LRRTM3: variants seen among roughly 807,000 people sequenced by gnomAD.
LRRTM3 encodes the protein leucine-rich repeat transmembrane neuronal protein 3.
In LRRTM3, 24 loss-of-function variants were observed where a neutral mutation model predicts 44.7. That is an observed-to-expected ratio of 0.54 (90% CI 0.39 to 0.76). LRRTM3 has a LOEUF of 0.76. LRRTM3 is among the 30% of genes least tolerant of loss of function. The probability of loss-of-function intolerance (pLI) is 0.00; values close to 1 mark genes in which losing one functional copy is unlikely to be tolerated. For synonymous variants in LRRTM3, 277 were observed against 278.7 expected, an observed-to-expected ratio of 0.99 and a Z score of 0.06; for missense variants, 587 against 702.2, an observed-to-expected ratio of 0.84 and a Z score of 1.85.
chr10:66,956,759 T>C (rs756711923), intron 2 of LRRTM3, among the ~76,000 whole-genome samples: 11 of 152,242 alleles, frequency 7.2e-5, no homozygotes, highest in Non-Finnish European at 1.3e-4. Context: ...TGATTTCAAC[T>C]GAATTTGGCA....
intron 2 of LRRTM3, among the ~76,000 whole-genome samples, chr10:67,037,635 G>C (rs979743926): frequency 6.6e-6 from 1 of 152,120 alleles, no homozygotes. Flanking sequence ...CCTGAACTAA[G>C]ACACTAACAG....
intron 2 of LRRTM3, among the ~76,000 whole-genome samples, chr10:67,013,934 C>T (rs1260221337): frequency 6.6e-6 from 1 of 152,056 alleles, no homozygotes; most frequent in Admixed American, 6.6e-5. Flanking sequence ...ACCCCAGAGC[C>T]CCAAGGTCTA....
chr10:67,076,234 C>G (rs1856741063), intron 2 of LRRTM3, among the ~76,000 whole-genome samples: 1 of 152,196 alleles, frequency 6.6e-6, no homozygotes. Context: ...ATCCTTATCT[C>G]TAACTATTTT....
In LRRTM3 at chr10:67,100,881, G is replaced by A. The variant is rs1459074951; in HGVS notation, c.*3085G>A. ...TATTCTCAAAATTTACAGGCTGTTA[G>A]TCTTTCCACTGTACTAAAAGATTTC... On this transcript the variant is annotated 3_prime_UTR_variant, in exon 3 of 3. Transcript: ENST00000361320. Among the ~76,000 whole-genome samples, 1 of 151,676 alleles carries A rather than the reference G, an allele frequency of 6.6e-6. No homozygotes were observed. Among genetic ancestry groups the A allele is most frequent in the South Asian group, 2.1e-4 (1 of 4,816 alleles).
chr10:67,038,063 A>G (rs78033666), intron 2 of LRRTM3, among the ~76,000 whole-genome samples: 1,843 of 152,262 alleles, frequency 0.012, 48 homozygotes, highest in African/African-American at 0.042. Context: ...GTCCACCTGT[A>G]GTGGCAAACT....
At chr10:67,038,859 TTA>T (rs146949279) in intron 2 of LRRTM3, among the ~76,000 whole-genome samples, 2,291 of 152,196 alleles carry the variant, frequency 0.015, 63 homozygotes, top group African/African-American at 0.052. Flanking sequence ...TCTTTATATA[TTA>T]TGTTATAATA....
intron 2 of LRRTM3, among the ~76,000 whole-genome samples, chr10:67,037,336 T>C (rs577909059): frequency 6.6e-6 from 1 of 151,064 alleles, no homozygotes; most frequent in Non-Finnish European, 1.5e-5. Context: ...GCAGTTACTA[T>C]GTGGCAACAC....
At chr10:66,977,934 C>T (rs536868837) in intron 2 of LRRTM3, among the ~76,000 whole-genome samples, 1 of 152,098 alleles carries the variant, frequency 6.6e-6, no homozygotes, top group African/African-American at 2.4e-5. Flanking sequence ...GGAACCAAAA[C>T]ATATTTTAGG....
At chr10:67,056,630 C>T (rs906123102) in intron 2 of LRRTM3, among the ~76,000 whole-genome samples, 4 of 152,156 alleles carry the variant, frequency 2.6e-5, no homozygotes, top group African/African-American at 9.6e-5. Context: ...AAGGGCATTC[C>T]AAATTAAGTG....
chr10:67,075,565 A>G (rs1422534208), intron 2 of LRRTM3, among the ~76,000 whole-genome samples: 2 of 152,164 alleles, frequency 1.3e-5, no homozygotes, highest in Non-Finnish European at 2.9e-5. Flanking sequence ...AATGTTTAAC[A>G]TTTTCTCAAA....
At chr10:66,993,025 T>C (rs1412405870) in intron 2 of LRRTM3, among the ~76,000 whole-genome samples, 1 of 152,166 alleles carries the variant, frequency 6.6e-6, no homozygotes, top group East Asian at 1.9e-4. Context: ...TAAAAAATCA[T>C]TATTTTCCAT....
intron 2 of LRRTM3, among the ~76,000 whole-genome samples, chr10:66,970,603 T>C (rs1451613059): frequency 6.6e-6 from 1 of 152,002 alleles, no homozygotes; most frequent in East Asian, 1.9e-4. Context: ...AAGAGGAAGG[T>C]ATAGAAATTT....
intron 2 of LRRTM3, among the ~76,000 whole-genome samples, chr10:66,958,459 GCT>G (rs1564794805): frequency 5.5e-5 from 1 of 18,134 alleles, no homozygotes; most frequent in African/African-American, 9.8e-5. Flanking sequence ...AAAATAAAAA[GCT>G]TTTTTTTTTA....
rs1305514183 is a variant in LRRTM3, at chr10:67,097,933, A to G, written c.*137A>G. 1.4e-6 allele frequency: 1 copy of G among 707,140 alleles called. No homozygotes were observed. Among genetic ancestry groups the G allele is most frequent in the Non-Finnish European group, 2.3e-6 (1 of 425,818 alleles). 43.8% of individuals were successfully genotyped at this position (707,140 alleles called of 1,614,324 possible). A position where few individuals can be genotyped will look rare whatever the true frequency, so the allele number is the denominator to read the frequency against. On this transcript the variant is annotated 3_prime_UTR_variant, in exon 3 of 3. Coordinates refer to ENST00000361320, the MANE Select transcript of LRRTM3 (RefSeq NM_178011.5). ...TGTTCAAATAAACAAAAAATCCAAG[A>G]TTGATTCATGAAATAAAGAAGACAT...
At chr10:66,969,812 C>A (rs952525675) in intron 2 of LRRTM3, among the ~76,000 whole-genome samples, 1 of 152,114 alleles carries the variant, frequency 6.6e-6, no homozygotes, top group Non-Finnish European at 1.5e-5. Context: ...CTGCCTCTCA[C>A]AACATTCATA....
intron 2 of LRRTM3, among the ~76,000 whole-genome samples, chr10:66,995,986 C>T (rs1027546143): frequency 3.3e-5 from 5 of 152,066 alleles, no homozygotes; most frequent in African/African-American, 1.2e-4. Flanking sequence ...TTCACATTAC[C>T]TTACTATTAT....
intron 2 of LRRTM3, among the ~76,000 whole-genome samples, chr10:66,996,465 G>A (rs367871147): frequency 6.6e-6 from 1 of 151,996 alleles, no homozygotes; most frequent in East Asian, 2.0e-4. Context: ...GGGCAATATG[G>A]TGAAACCCTG....
At chr10:66,948,038 G>GTAT (rs1240752685) in intron 2 of LRRTM3, among the ~76,000 whole-genome samples, 1 of 152,200 alleles carries the variant, frequency 6.6e-6, no homozygotes, top group Non-Finnish European at 1.5e-5. Context: ...TAACACAATG[G>GTAT]TATTTGTGTA....
Position 66,928,107 on chromosome 10 carries a change from G to A in LRRTM3, c.1191G>A (p.Pro397=), listed in dbSNP as rs1339003025. ...PKHESKPPLP[P]TVGATEPGPE... is the part of the protein sequence containing the mutation. ...ATGAGAGCAAACCCCCTTTGCCCCC[G>A]ACGGTGGGAGCCACAGAGCCCGGCC... Residue 397 remains proline, a synonymous_variant, in exon 2 of 3, where the codon CCG becomes CCA. Coordinates refer to ENST00000361320, the MANE Select transcript of LRRTM3 (RefSeq NM_178011.5). 16 of 1,614,044 alleles carry A rather than the reference G, an allele frequency of 9.9e-6. No individual in the cohort carries two copies. The highest frequency in any genetic ancestry group is 1.3e-5 in the Non-Finnish European group (15 of 1,180,030).
Sources: gnomAD v4.1 joint callset for allele counts (sites outside exome capture counted in the v4.1 genomes callset) on GRCh38, gnomAD v4.1.1 for gene constraint, MANE v1.5 for transcripts, NCBI Gene and HGNC (gene_info 2026-07-23, HGNC 2026-07-21) for gene names.